HMCES: variants seen among roughly 807,000 people sequenced by gnomAD.
HMCES encodes abasic site processing protein HMCES.
Under a neutral mutation model 35.1 loss-of-function variants are expected in HMCES, and 27 were observed. The ratio of observed to expected loss-of-function variants is 0.77; its 90% CI spans 0.57 to 1.06. The LOEUF is 1.06. HMCES is among the 50% of genes least tolerant of loss of function. The probability of loss-of-function intolerance (pLI) is 0.00; values close to 1 mark genes in which losing one functional copy is unlikely to be tolerated. For synonymous variants in HMCES, 130 were observed against 154.7 expected (o/e 0.84, Z 1.18); for missense variants, 391 against 430.4 (o/e 0.91, Z 0.81).
intron 2 of HMCES, among the ~76,000 whole-genome samples, chr3:129,286,272 G>A (rs1034313793): frequency 1.3e-5 from 2 of 152,210 alleles, no homozygotes; most frequent in African/African-American, 4.8e-5. Context: ...AAGCCCTCAT[G>A]ACTGGGATTA....
intron 2 of HMCES, among the ~76,000 whole-genome samples, chr3:129,284,700 G>A (rs1053218107): frequency 6.6e-6 from 1 of 152,182 alleles, no homozygotes; most frequent in Admixed American, 6.5e-5. Flanking sequence ...ATCACTTGAG[G>A]TCAGGAGTTC....
chr3:129,304,538 T>G (rs1343106284), intron 6 of HMCES, 51 bp from the exon 7 acceptor site: 27 of 1,529,332 alleles, frequency 1.8e-5, no homozygotes, highest in Non-Finnish European at 2.4e-5. Context: ...GACTTGGCCT[T>G]TTCCCAAAAG....
chr3:129,304,897 T>G lies in HMCES; in HGVS notation c.*72T>G. On this transcript the variant is annotated 3_prime_UTR_variant, in exon 7 of 7. Transcript: ENST00000383463. ...CTGATAATAGGTTCTTAACATTGTA[T>G]GTATATGTGTTTGCTTTGGGAGGAG... is the stretch of plus-strand genomic sequence containing the variant. 4.1e-6 allele frequency: 5 copies of G among 1,220,834 alleles called. No homozygotes were observed. The South Asian group carries it at 6.2e-5, about 15-fold the overall frequency. 75.6% of individuals were successfully genotyped at this position (1,220,834 alleles called of 1,614,324 possible). A position where few individuals can be genotyped will look rare whatever the true frequency, so the allele number is the denominator to read the frequency against.
rs116594804 is a variant in HMCES at position 129,303,425 on chromosome 3, C to T, written c.829-1164C>T. 8.6e-3 allele frequency among the ~76,000 whole-genome samples: 1,303 copies of T among 152,218 alleles called. 15 individuals are homozygous for T. The highest frequency in any genetic ancestry group is 0.03 in the African/African-American group (1,237 of 41,534). ...TTTGATTCTGATAAACTCCTGCAAC[C>T]GTGGCACTTTTTAAAAATTAGATAA... On this transcript the variant is annotated intron_variant, in intron 6 of 6. Transcript: ENST00000383463.
Position 129,305,034 on chromosome 3 carries a change from C to A in HMCES, c.*209C>A. On this transcript the variant is annotated 3_prime_UTR_variant, in exon 7 of 7. Transcript: ENST00000383463. The stretch of plus-strand genomic sequence containing the variant: ...TGGAAGAGGTGTCCTGCTGCTGTTA[C>A]CAGCCATGTGGGCCCCATAGGGGCA... The A allele has an allele frequency of 1.7e-6, 1 of 583,740 alleles. No individual in the cohort carries two copies. The highest frequency in any genetic ancestry group is 3.0e-6 in the Non-Finnish European group (1 of 328,608). The allele number at this position is 583,740 out of a possible 1,614,324, so 36.2% of individuals were successfully genotyped here.
intron 3 of HMCES, among the ~76,000 whole-genome samples, chr3:129,290,278 A>ATTTG (rs1210989749): frequency 2.2e-5 from 3 of 135,702 alleles, no homozygotes; most frequent in Non-Finnish European, 4.5e-5. Context: ...GATTTTATGT[A>ATTTG]TTTATTTGTT....
intron 3 of HMCES, among the ~76,000 whole-genome samples, 185 bp downstream of exon 3, chr3:129,289,182 G>C (rs1940728451): frequency 6.6e-6 from 1 of 152,218 alleles, no homozygotes; most frequent in Admixed American, 6.5e-5. Flanking sequence ...TTAGTAGTGT[G>C]AAACAAAATG....
Position 129,288,933 on chromosome 3 carries a change from C to G in HMCES, c.263C>G (p.Ser88Cys), listed in dbSNP as rs1560074381. ...VPSWFKESDP[S>C]KLQFNTTNCR... ...TCTTGGTTCAAAGAAAGTGATCCTT[C>G]CAAGCTGCAGTTCAATACTACCAAC... The change falls in exon 3 of 7, where the codon TCC becomes TGC. Residue 88 changes from serine (S) to cysteine (C), a missense_variant. Transcript: ENST00000383463. 5 of 1,603,104 alleles carry G rather than the reference C, an allele frequency of 3.1e-6. No homozygotes were observed. The East Asian group carries it at 9.0e-5, about 29-fold the overall frequency.
rs550802784 is a variant in HMCES at position 129,287,390 on chromosome 3, A to AT, written c.184-1450dup. Among the ~76,000 whole-genome samples the AT allele has an allele frequency of 6.1e-3, 859 of 141,800 alleles. 4 individuals are homozygous for AT. The highest frequency in any genetic ancestry group is 0.016 in the African/African-American group (612 of 38,748). The allele number at this position is 141,800 out of a possible 152,430, so 93.0% of individuals were successfully genotyped here. A position where few individuals can be genotyped will look rare whatever the true frequency, so the allele number is the denominator to read the frequency against. On this transcript the variant is annotated intron_variant, in intron 2 of 6. Transcript: ENST00000383463. ...AGGTGCATGCCACCACACCAGAATA[A>AT]TTTTTTTTTTTTTTGGTAGAAACTG...
intron 3 of HMCES, among the ~76,000 whole-genome samples, chr3:129,290,002 A>C (rs2107690253): frequency 6.6e-6 from 1 of 151,958 alleles, no homozygotes; most frequent in South Asian, 2.1e-4. Context: ...CCTGGCTAAC[A>C]CGGTGAAACC....
At chr3:129,291,005 C>T (rs549642812) in intron 4 of HMCES, among the ~76,000 whole-genome samples, 140 of 152,184 alleles carry the variant, frequency 9.2e-4, no homozygotes, top group Non-Finnish European at 1.9e-3. Context: ...GAGTTTGAGA[C>T]CAGCCTGGGC....
At chr3:129,285,618 AT>A (rs532028343) in intron 2 of HMCES, among the ~76,000 whole-genome samples, 1 of 149,616 alleles carries the variant, frequency 6.7e-6, no homozygotes, top group African/African-American at 2.5e-5. Context: ...CGCCCGGCTA[AT>A]TTTTTTTGTA....
At chr3:129,298,275 G>T (rs2071117089) in intron 4 of HMCES, 79 bp from the exon 5 acceptor site, 5 of 1,253,848 alleles carry the variant, frequency 4.0e-6, no homozygotes, top group Non-Finnish European at 4.6e-6. Context: ...CCGTGCTCTC[G>T]AGTCTGAAGT....
intron 6 of HMCES, 57 bp downstream of exon 6, chr3:129,302,199 C>A: frequency 6.9e-7 from 1 of 1,441,042 alleles, no homozygotes; most frequent in Non-Finnish European, 9.4e-7. Context: ...TGTCAGTGTT[C>A]TCTTTCTTTC....
chr3:129,291,974 G>A (rs1560075423), intron 4 of HMCES, among the ~76,000 whole-genome samples: 1 of 152,088 alleles, frequency 6.6e-6, no homozygotes, highest in Non-Finnish European at 1.5e-5. Flanking sequence ...TACTTGGGAG[G>A]CTGAGGTGGG....
rs369452921 is a variant in HMCES, at chr3:129,298,553, G to A, written c.635+18G>A. 1.7e-5 allele frequency: 27 copies of A among 1,607,194 alleles called. No individual in the cohort carries two copies. The highest frequency in any genetic ancestry group is 5.0e-5 in the Admixed American group (3 of 59,730). ...CACCACAGGCAAGTCATACTTCTTA[G>A]CCCTGGATCCAAAAGGATCCAAAAG... On this transcript the variant is annotated intron_variant, in intron 5 of 6. Coordinates refer to ENST00000383463, the MANE Select transcript of HMCES (RefSeq NM_020187.3).
At position 129,287,738 on chromosome 3, in the gene HMCES, C is replaced by T. The variant is rs144073952; in HGVS notation, c.184-1116C>T. 3.6e-3 allele frequency among the ~76,000 whole-genome samples: 542 copies of T among 152,128 alleles called. 1 individual carries two copies. The highest frequency in any genetic ancestry group is 0.012 in the African/African-American group (499 of 41,518). ...AGCATCCTCCAGTGCTTTGAGAGAC[C>T]GAGGCAGGAAAATCACTTGAGCCTA... On this transcript the variant is annotated intron_variant, in intron 2 of 6. Transcript: ENST00000383463.
chr3:129,279,668 T>G lies in HMCES; in HGVS notation c.-23-42T>G. The G allele has an allele frequency of 1.9e-6, 3 of 1,574,348 alleles. No individual in the cohort carries two copies. Among genetic ancestry groups the G allele is most frequent in the Non-Finnish European group, 1.7e-6 (2 of 1,154,618 alleles). On this transcript the variant is annotated intron_variant, in intron 1 of 6. Transcript: ENST00000383463. The surrounding 1 kb of genome is among the most constrained non-coding windows in gnomAD (Gnocchi z 4.2). ...GGACTCAAGGAATAAGACCTAATAT[T>G]TGAGATACGTAAGCCTTTTCCTTAC...
intron 2 of HMCES, among the ~76,000 whole-genome samples, chr3:129,284,884 C>A (rs1482878891): frequency 2.0e-5 from 3 of 152,180 alleles, no homozygotes; most frequent in Non-Finnish European, 2.9e-5. Flanking sequence ...TGCACTCCAG[C>A]CTGGGCAACA....
Sources: allele counts gnomAD v4.1 joint callset (sites outside exome capture counted in the v4.1 genomes callset), GRCh38; gene constraint gnomAD v4.1.1; non-coding constraint Gnocchi (gnomAD v3.1); transcripts MANE v1.5; gene names NCBI Gene and HGNC (gene_info 2026-07-23, HGNC 2026-07-21).